The following TBC1D19 variants were observed in gnomAD, a reference collection of about 807,000 sequenced individuals.
TBC1D19 encodes the protein TBC1 domain family, member 19.
Under a neutral mutation model 89.0 loss-of-function variants are expected in TBC1D19, and 60 were observed. The observed-to-expected ratio is 0.67, with a 90% CI of 0.55 to 0.84. The LOEUF (loss-of-function observed/expected upper bound fraction) is 0.84. TBC1D19 is among the 40% of genes least tolerant of loss of function. The pLI, the probability that TBC1D19 is intolerant of heterozygous loss-of-function variation, is 0.00. For synonymous variants in TBC1D19, 189 were observed against 199.7 expected (o/e 0.95, Z 0.45); for missense variants, 500 against 610.8 (o/e 0.82, Z 1.91).
intron 1 of TBC1D19, among the ~76,000 whole-genome samples, chr4:26,608,529 A>C (rs546787861): frequency 2.0e-5 from 3 of 152,278 alleles, no homozygotes; most frequent in African/African-American, 4.8e-5. Flanking sequence ...GATCCTCAAA[A>C]ACTTGAAGAT....
chr4:26,590,724 CTAA>C (rs763205482), intron 1 of TBC1D19, among the ~76,000 whole-genome samples: 73 of 141,384 alleles, frequency 5.2e-4, no homozygotes, highest in Non-Finnish European at 8.0e-4. Flanking sequence ...TTCAGTTGAA[CTAA>C]TATTGATACG....
At chr4:26,616,932 G>A (rs1326374587) in intron 3 of TBC1D19, among the ~76,000 whole-genome samples, 4 of 152,096 alleles carry the variant, frequency 2.6e-5, no homozygotes, top group African/African-American at 7.2e-5. Context: ...CACTTTATAT[G>A]CATTGGCTTA....
intron 15 of TBC1D19, among the ~76,000 whole-genome samples, chr4:26,733,489 T>C (rs1198537047): frequency 4.6e-5 from 7 of 151,776 alleles, no homozygotes. Flanking sequence ...ACACACTCTT[T>C]AGTGATAGAA....
At chr4:26,793,677 C>T in the TBC1D19 span, among the ~76,000 whole-genome samples, 2 of 146,900 alleles carry the variant, frequency 1.4e-5, no homozygotes, top group African/African-American at 5.1e-5. Flanking sequence ...GAGCAGAGAT[C>T]GCACCACTGC....
chr4:26,602,283 G>T (rs1740661642), intron 1 of TBC1D19, among the ~76,000 whole-genome samples: 1 of 152,050 alleles, frequency 6.6e-6, no homozygotes, highest in Non-Finnish European at 1.5e-5. Flanking sequence ...ATCCTTTCAG[G>T]TCAAAGCTTT....
intron 13 of TBC1D19, among the ~76,000 whole-genome samples, chr4:26,713,763 G>C (rs1398181348): frequency 2.0e-5 from 3 of 152,014 alleles, no homozygotes; most frequent in African/African-American, 7.2e-5. Flanking sequence ...CTCCCTTTTA[G>C]ACTGTAAACA....
chr4:26,696,218 G>C (rs763934918), intron 13 of TBC1D19, among the ~76,000 whole-genome samples: 37 of 152,146 alleles, frequency 2.4e-4, no homozygotes, highest in Non-Finnish European at 5.1e-4. Context: ...CCTAGTCTCT[G>C]ATAAAACAGA....
Position 26,584,168 on chromosome 4 carries a change from C to T in TBC1D19, c.-26C>T, listed in dbSNP as rs781723974. The T allele has an allele frequency of 6.2e-7, 1 of 1,600,842 alleles. No individual in the cohort carries two copies. The highest frequency in any genetic ancestry group is 2.3e-5 in the East Asian group (1 of 44,444). On this transcript the variant is annotated 5_prime_UTR_variant, in exon 1 of 21. Coordinates refer to ENST00000264866, the MANE Select transcript of TBC1D19 (RefSeq NM_018317.4). Reference sequence around the variant, plus strand: ...GCTCCGCGCCGGCGGCCTGTCCCCGCGGCTTGGCGGGCTAGGGCAGGGGAA... The same window carrying T: ...GCTCCGCGCCGGCGGCCTGTCCCCGTGGCTTGGCGGGCTAGGGCAGGGGAA...
chr4:26,577,535 C>T (rs1738999547), intron 1 of TBC1D19, among the ~76,000 whole-genome samples: 1 of 152,188 alleles, frequency 6.6e-6, no homozygotes, highest in Admixed American at 6.5e-5. Flanking sequence ...GTACTTGTTA[C>T]CTTCCAGGCA....
the TBC1D19 span, among the ~76,000 whole-genome samples, chr4:26,856,690 A>G: frequency 6.6e-6 from 1 of 152,080 alleles, no homozygotes; most frequent in East Asian, 1.9e-4. Flanking sequence ...AATTGTTATG[A>G]TCTTTACTTT....
At position 26,731,767 on chromosome 4, in the gene TBC1D19, C is replaced by T. The variant is rs182079560; in HGVS notation, c.1085-3688C>T. On this transcript the variant is annotated intron_variant, in intron 15 of 20. Transcript: ENST00000264866. ...CCGATCTGCGTCGTGTCATCAATGC[C>T]GTGGTAGACTCAAGTTTGACTGTGA... Among the ~76,000 whole-genome samples, 50 of 151,946 alleles carry T rather than the reference C, an allele frequency of 3.3e-4. No homozygotes were observed. The East Asian group carries it at 6.4e-3, about 20-fold the overall frequency.
the TBC1D19 span, among the ~76,000 whole-genome samples, chr4:26,856,672 C>T: frequency 6.6e-6 from 1 of 152,202 alleles, no homozygotes; most frequent in Non-Finnish European, 1.5e-5. Flanking sequence ...CATTTTCTCA[C>T]CATTTTCAAT....
chr4:26,858,584 G>A, the TBC1D19 span: 2 of 152,280 alleles, frequency 1.3e-5, no homozygotes, highest in Non-Finnish European at 2.9e-5. Context: ...TTCTTGCCAA[G>A]GAATGGATTT....
At chr4:26,618,028 G>C (rs2110026135) in intron 3 of TBC1D19, among the ~76,000 whole-genome samples, 1 of 152,266 alleles carries the variant, frequency 6.6e-6, no homozygotes, top group South Asian at 2.1e-4. Context: ...CGCTGGGAGA[G>C]TGCTCAAGCA....
At chr4:26,704,012 C>T (rs1032196359) in intron 13 of TBC1D19, among the ~76,000 whole-genome samples, 23 of 150,510 alleles carry the variant, frequency 1.5e-4, no homozygotes, top group Middle Eastern at 3.4e-3. Context: ...TACAAGGATA[C>T]GCAGGCACTT....
chr4:26,673,444 T>TACACACACACACACACACACACAC (rs149722432), intron 10 of TBC1D19, among the ~76,000 whole-genome samples: 3 of 78,376 alleles, frequency 3.8e-5, no homozygotes, highest in African/African-American at 1.5e-4. Flanking sequence ...TATATATATA[T>TACACACACACACACACACACACAC]ATACACACAC....
chr4:26,818,156 G>A, the TBC1D19 span, among the ~76,000 whole-genome samples: 1 of 151,808 alleles, frequency 6.6e-6, no homozygotes, highest in African/African-American at 2.4e-5. Context: ...AAAAAAACAA[G>A]TTCAAAGCTG....
At chr4:26,693,786 A>G (rs2109178168) in intron 13 of TBC1D19, among the ~76,000 whole-genome samples, 1 of 152,324 alleles carries the variant, frequency 6.6e-6, no homozygotes, top group Middle Eastern at 3.4e-3. Context: ...TTAAAGTACC[A>G]GACCGAAATT....
At chr4:26,733,398 C>A (rs867152926) in intron 15 of TBC1D19, among the ~76,000 whole-genome samples, 2 of 151,964 alleles carry the variant, frequency 1.3e-5, no homozygotes, top group African/African-American at 4.8e-5. Context: ...TGAGTTCTAG[C>A]GTTATCTCTG....
Sources: allele counts gnomAD v4.1 joint callset (sites outside exome capture counted in the v4.1 genomes callset), GRCh38; gene constraint gnomAD v4.1.1; transcripts MANE v1.5; gene names NCBI Gene and HGNC (gene_info 2026-07-23, HGNC 2026-07-21).